Variants in UBE2QL1 observed in about 807,000 individuals in gnomAD.
UBE2QL1 encodes the protein ubiquitin-conjugating enzyme E2Q-like protein 1.
A neutral mutation model predicts 12.6 loss-of-function variants in UBE2QL1; 5 were observed. That is an observed-to-expected ratio of 0.40 (90% CI 0.21 to 0.83). The LOEUF (loss-of-function observed/expected upper bound fraction) is 0.83. UBE2QL1 is among the 40% of genes least tolerant of loss of function. The pLI is 0.37. For missense variants in UBE2QL1, 99 were observed against 222.6 expected (o/e 0.44, Z 3.53); for synonymous variants, 96 against 94.5 (o/e 1.02, Z -0.10).
At chr5:6,466,044 C>T (rs71600227) in intron 1 of UBE2QL1, among the ~76,000 whole-genome samples, 1 of 152,126 alleles carries the variant, frequency 6.6e-6, no homozygotes, top group African/African-American at 2.4e-5. Flanking sequence ...CTGCCCCTCC[C>T]TCTTCCTTCC....
At chr5:6,472,345 A>T (rs183508857) in intron 1 of UBE2QL1, among the ~76,000 whole-genome samples, 203 of 152,284 alleles carry the variant, frequency 1.3e-3, no homozygotes, top group Non-Finnish European at 2.4e-3. Context: ...TCACAAGAGC[A>T]CGAGCCTCGG....
chr5:6,471,198 AG>A (rs1739906460), intron 1 of UBE2QL1, among the ~76,000 whole-genome samples: 1 of 152,136 alleles, frequency 6.6e-6, no homozygotes, highest in Non-Finnish European at 1.5e-5. Context: ...TTTTTTGTCA[AG>A]TGGATTCCCA....
chr5:6,451,975 G>T (rs1429220238), intron 1 of UBE2QL1, among the ~76,000 whole-genome samples: 1 of 152,146 alleles, frequency 6.6e-6, no homozygotes, highest in Non-Finnish European at 1.5e-5. Flanking sequence ...AAAAGGGAGA[G>T]TCGTTATATT....
chr5:6,488,167 G>C (rs1276748882), intron 1 of UBE2QL1, among the ~76,000 whole-genome samples: 1 of 152,260 alleles, frequency 6.6e-6, no homozygotes, highest in Non-Finnish European at 1.5e-5. Context: ...TCTCCCAGCT[G>C]TGGAATTGAC....
intron 1 of UBE2QL1, among the ~76,000 whole-genome samples, chr5:6,456,283 A>G (rs1010671904): frequency 3.3e-5 from 5 of 152,204 alleles, no homozygotes; most frequent in African/African-American, 1.2e-4. Flanking sequence ...TGGCCTGGGT[A>G]TATAGTGGGG....
At chr5:6,456,146 A>G (rs553107759) in intron 1 of UBE2QL1, among the ~76,000 whole-genome samples, 1 of 152,362 alleles carries the variant, frequency 6.6e-6, no homozygotes, top group Admixed American at 6.5e-5. Context: ...AGTGCCTGCC[A>G]CAGGGAACGT....
At chr5:6,453,466 G>A (rs1739448324) in intron 1 of UBE2QL1, among the ~76,000 whole-genome samples, 1 of 152,180 alleles carries the variant, frequency 6.6e-6, no homozygotes, top group Non-Finnish European at 1.5e-5. Flanking sequence ...CAGGACTAAA[G>A]CATCCTTGAG....
chr5:6,453,843 T>C (rs552911555), intron 1 of UBE2QL1, among the ~76,000 whole-genome samples: 4 of 152,318 alleles, frequency 2.6e-5, no homozygotes, highest in Admixed American at 1.3e-4. Flanking sequence ...ATGAACAGCC[T>C]GTTGGGCTCC....
chr5:6,473,710 A>C (rs1734150255), intron 1 of UBE2QL1, among the ~76,000 whole-genome samples: 2 of 152,368 alleles, frequency 1.3e-5, no homozygotes, highest in Non-Finnish European at 1.5e-5. Flanking sequence ...CAGTACCGTA[A>C]GAGCCAGGCA....
chr5:6,454,164 G>A (rs1004031910), intron 1 of UBE2QL1, among the ~76,000 whole-genome samples: 1 of 152,148 alleles, frequency 6.6e-6, no homozygotes, highest in Non-Finnish European at 1.5e-5. Context: ...TTACAGGTGT[G>A]AGCCACCTCA....
intron 1 of UBE2QL1, among the ~76,000 whole-genome samples, chr5:6,461,926 G>A (rs1162843884): frequency 6.6e-6 from 1 of 152,140 alleles, no homozygotes; most frequent in Non-Finnish European, 1.5e-5. Flanking sequence ...ATTTGGATAA[G>A]CCGCAGGCTC....
chr5:6,452,161 T>C (rs959787224), intron 1 of UBE2QL1, among the ~76,000 whole-genome samples: 1 of 152,214 alleles, frequency 6.6e-6, no homozygotes, highest in African/African-American at 2.4e-5. Flanking sequence ...TAAAACAATT[T>C]TAAGAGTTTT....
chr5:6,491,036 G>A (rs1271303528), intron 1 of UBE2QL1, among the ~76,000 whole-genome samples, 182 bp from the exon 2 acceptor site: 1 of 152,200 alleles, frequency 6.6e-6, no homozygotes, highest in African/African-American at 2.4e-5. Flanking sequence ...TATCTGTTTG[G>A]TGCCAGAGCT....
chr5:6,482,584 T>C (rs6891541), intron 1 of UBE2QL1, among the ~76,000 whole-genome samples: 4,131 of 150,664 alleles, frequency 0.027, 158 homozygotes, highest in African/African-American at 0.093. Flanking sequence ...ACTCCCACAG[T>C]CCACTCTAGA....
At chr5:6,488,870 T>C (rs1256792208) in intron 1 of UBE2QL1, among the ~76,000 whole-genome samples, 1 of 152,218 alleles carries the variant, frequency 6.6e-6, no homozygotes, top group African/African-American at 2.4e-5. Flanking sequence ...TGTTTTCATA[T>C]GTTTAATAAG....
chr5:6,454,516 G>C (rs780312870), intron 1 of UBE2QL1, among the ~76,000 whole-genome samples: 5 of 152,148 alleles, frequency 3.3e-5, no homozygotes, highest in Non-Finnish European at 4.4e-5. Context: ...CATGTACCTT[G>C]GTGAAGGGAG....
chr5:6,482,683 G>A (rs971746419), intron 1 of UBE2QL1, among the ~76,000 whole-genome samples: 6 of 152,188 alleles, frequency 3.9e-5, no homozygotes, highest in East Asian at 1.9e-4. Context: ...TCGGGAGAGG[G>A]GTACTAATGG....
In UBE2QL1 at chr5:6,492,045, G is replaced by A. The variant is rs1734581487; in HGVS notation, c.*696G>A. Reference sequence around the variant, plus strand: ...GTCCACAGATAAACCAGTGCCATTAGATGGAAGGCAGAGGATACTGCGACC... The same window carrying A: ...GTCCACAGATAAACCAGTGCCATTAAATGGAAGGCAGAGGATACTGCGACC... On this transcript the variant is annotated 3_prime_UTR_variant, in exon 2 of 2. Coordinates refer to ENST00000399816, the MANE Select transcript of UBE2QL1 (RefSeq NM_001145161.3). 1 of 152,278 alleles carries A rather than the reference G, an allele frequency of 6.6e-6. No homozygotes were observed. Among genetic ancestry groups the A allele is most frequent in the Admixed American group, 6.5e-5 (1 of 15,292 alleles). The allele number at this position is 152,278 out of a possible 1,614,324, so 9.4% of individuals were successfully genotyped here. A position where few individuals can be genotyped will look rare whatever the true frequency, so the allele number is the denominator to read the frequency against.
At chr5:6,488,595 G>A (rs6869272) in intron 1 of UBE2QL1, among the ~76,000 whole-genome samples, 29,480 of 151,614 alleles carry the variant, frequency 0.19, 6,313 homozygotes, top group African/African-American at 0.53. Context: ...CCAGGAGTTC[G>A]AGACCAGCCT....
Sources: allele counts gnomAD v4.1 joint callset (sites outside exome capture counted in the v4.1 genomes callset), GRCh38; gene constraint gnomAD v4.1.1; transcripts MANE v1.5; gene names NCBI Gene and HGNC (gene_info 2026-07-23, HGNC 2026-07-21).